Variants in ASPH observed in about 807,000 individuals in gnomAD.
ASPH encodes the protein aspartyl/asparaginyl beta-hydroxylase.
ASPH carries 100 observed loss-of-function variants against 118.4 expected under a neutral mutation model. The ratio of observed to expected loss-of-function variants is 0.84; its 90% confidence interval spans 0.72 to 1.00. ASPH has a LOEUF of 1.00. ASPH is among the 50% of genes least tolerant of loss of function. The pLI is 0.00. For missense variants in ASPH, 920 were observed against 919.5 expected (o/e 1.00, Z -0.01); for synonymous variants, 315 against 325.6 (o/e 0.97, Z 0.35).
intron 24 of ASPH, among the ~76,000 whole-genome samples, chr8:61,515,897 T>C (rs544185127): frequency 6.6e-6 from 1 of 152,286 alleles, no homozygotes; most frequent in African/African-American, 2.4e-5. Flanking sequence ...GTTTATCTTT[T>C]GGGTGGGCTG....
chr8:61,521,686 C>T (rs1013532878), intron 22 of ASPH, among the ~76,000 whole-genome samples: 2 of 152,206 alleles, frequency 1.3e-5, no homozygotes, highest in Admixed American at 1.3e-4. Context: ...TTCTCACCAG[C>T]GTTAAACTAA....
At chr8:61,611,320 T>C (rs1460646527) in intron 14 of ASPH, among the ~76,000 whole-genome samples, 1 of 152,218 alleles carries the variant, frequency 6.6e-6, no homozygotes, top group Non-Finnish European at 1.5e-5. Context: ...GAGTGAGCGA[T>C]TAAAAGGGAT....
At chr8:61,703,060 G>C (rs1835669310) in intron 1 of ASPH, among the ~76,000 whole-genome samples, 1 of 152,068 alleles carries the variant, frequency 6.6e-6, no homozygotes, top group African/African-American at 2.4e-5. Flanking sequence ...TATATAAAAA[G>C]GACAATTCAA....
At chr8:61,712,196 A>T (rs1838208901) in intron 1 of ASPH, among the ~76,000 whole-genome samples, 4 of 152,222 alleles carry the variant, frequency 2.6e-5, no homozygotes, top group Admixed American at 2.0e-4. Flanking sequence ...ACTGCTAAAA[A>T]GTCTTTGATT....
chr8:61,606,876 T>A (rs1845723864), intron 14 of ASPH: 1 of 165,506 alleles, frequency 6.0e-6, no homozygotes, highest in Non-Finnish European at 1.3e-5. Flanking sequence ...ACACCTGTGA[T>A]TTTTTTTCCA....
chr8:61,560,454 G>A (rs1829413271), intron 18 of ASPH, among the ~76,000 whole-genome samples: 1 of 152,036 alleles, frequency 6.6e-6, no homozygotes, highest in Admixed American at 6.5e-5. Context: ...AAATTACAAT[G>A]TCTGTTTTCT....
chr8:61,578,708 G>A (rs184853680), intron 15 of ASPH: 53 of 1,608,120 alleles, frequency 3.3e-5, no homozygotes, highest in South Asian at 1.2e-4. Flanking sequence ...AGCTGGAGGC[G>A]GAGCTTGGCA....
intron 24 of ASPH, 185 bp downstream of exon 24, chr8:61,517,343 A>G: frequency 1.3e-6 from 1 of 790,972 alleles, no homozygotes; most frequent in Non-Finnish European, 1.9e-6. Context: ...AGAGCTGGGC[A>G]ATGTCTCCAG....
chr8:61,608,794 A>C (rs1846380190), intron 14 of ASPH, among the ~76,000 whole-genome samples: 1 of 151,792 alleles, frequency 6.6e-6, no homozygotes, highest in Non-Finnish European at 1.5e-5. Flanking sequence ...GACCCAGGGC[A>C]CTGTCTGAAC....
At chr8:61,591,768 TCTCCAGTAG>T (rs1841211189) in intron 14 of ASPH, among the ~76,000 whole-genome samples, 1 of 152,148 alleles carries the variant, frequency 6.6e-6, no homozygotes, top group Non-Finnish European at 1.5e-5. Context: ...CTTCGGGTTC[TCTCCAGTAG>T]ACTCCAATGT....
intron 14 of ASPH, among the ~76,000 whole-genome samples, chr8:61,612,703 G>A (rs968915696): frequency 6.6e-6 from 1 of 152,100 alleles, no homozygotes; most frequent in African/African-American, 2.4e-5. Flanking sequence ...AGACCTGTGG[G>A]ACATTTTCAA....
chr8:61,627,504 G>C (rs546993265), intron 13 of ASPH, among the ~76,000 whole-genome samples: 1 of 152,052 alleles, frequency 6.6e-6, no homozygotes, highest in African/African-American at 2.4e-5. Flanking sequence ...TCTGAGTAAC[G>C]GGTACGAGTA....
At chr8:61,643,029 C>T in intron 9 of ASPH, 109 bp from the exon 10 acceptor site, 1 of 970,294 alleles carries the variant, frequency 1.0e-6, no homozygotes, top group Non-Finnish European at 1.5e-6. Context: ...AACTCTACTC[C>T]TTCAAATATT....
intron 5 of ASPH, 77 bp from the exon 6 acceptor site, chr8:61,646,955 C>G (rs1260337188): frequency 2.5e-6 from 4 of 1,580,962 alleles, no homozygotes; most frequent in Non-Finnish European, 2.6e-6. Flanking sequence ...TGCCACACAC[C>G]TGCTCCTGCT....
At chr8:61,559,302 G>A (rs181184909) in intron 18 of ASPH, among the ~76,000 whole-genome samples, 17 of 152,198 alleles carry the variant, frequency 1.1e-4, no homozygotes, top group Admixed American at 3.3e-4. Context: ...TATGCTACCC[G>A]GTGGCTTCTG....
intron 9 of ASPH, 132 bp from the exon 10 acceptor site, chr8:61,643,052 G>T: frequency 1.2e-6 from 1 of 836,468 alleles, no homozygotes; most frequent in Non-Finnish European, 1.8e-6. Flanking sequence ...TGTCTGCTCA[G>T]TCAATAATAA....
chr8:61,689,808 G>A (rs1832091187), intron 1 of ASPH: 2 of 1,479,672 alleles, frequency 1.4e-6, no homozygotes, highest in Non-Finnish European at 1.8e-6. Flanking sequence ...CAGAGCTTGA[G>A]ACTGGCCAAT....
chr8:61,561,674 G>T lies in ASPH; in HGVS notation c.1437+1070C>A, dbSNP rs562887393. Among the ~76,000 whole-genome samples, 5 of 152,310 alleles carry T rather than the reference G, an allele frequency of 3.3e-5. 1 individual carries two copies. Among genetic ancestry groups the T allele is most frequent in the Admixed American group, 6.5e-5 (1 of 15,302 alleles). On this transcript the variant is annotated intron_variant, in intron 18 of 24. Coordinates refer to ENST00000379454, the MANE Select transcript of ASPH (RefSeq NM_004318.4). ...GAGATGACTTGTGCCTGTAATCCCAGCTATTTGGGAGGCCTGAGGCAGGAG... is the reference window on the plus strand; with the variant it reads ...GAGATGACTTGTGCCTGTAATCCCATCTATTTGGGAGGCCTGAGGCAGGAG...
chr8:61,644,623 T>C lies in ASPH; in HGVS notation c.629A>G (p.His210Arg), dbSNP rs749287680. 1.9e-6 allele frequency: 3 copies of C among 1,588,502 alleles called. No individual in the cohort carries two copies. Among genetic ancestry groups the C allele is most frequent in the Admixed American group, 1.7e-5 (1 of 57,430 alleles). ...ACCTGTCTCTTCCACGTGGTAACTA[T>C]GCTCGGTTTCTGGAAAAAAAAAAAT... is the stretch of plus-strand genomic sequence containing the variant. ...EPEVSHEETE[H>R]SYHVEETVSQ... is the part of the protein sequence containing the mutation. The change falls in exon 7 of 25, where the codon CAT (histidine) becomes CGT (arginine). Residue 210 changes from histidine (H) to arginine (R), a missense_variant. Coordinates refer to ENST00000379454, the MANE Select transcript of ASPH (RefSeq NM_004318.4).
Sources: allele counts gnomAD v4.1 joint callset (sites outside exome capture counted in the v4.1 genomes callset), GRCh38; gene constraint gnomAD v4.1.1; transcripts MANE v1.5; gene names NCBI Gene and HGNC (gene_info 2026-07-23, HGNC 2026-07-21).